NTM: variants seen among roughly 807,000 people sequenced by gnomAD.
NTM encodes neurotrimin, also known as IgLON family member 2.
Under a neutral mutation model 42.1 loss-of-function variants are expected in NTM, and 13 were observed. The ratio of observed to expected loss-of-function variants is 0.31; its 90% CI spans 0.20 to 0.49. The LOEUF (loss-of-function observed/expected upper bound fraction) is 0.49, where lower values mean the gene tolerates loss of function less well. NTM is among the 20% of genes least tolerant of loss of function. The pLI is 0.99. For missense variants in NTM, 373 were observed against 452.8 expected (o/e 0.82, Z 1.60); for synonymous variants, 187 against 179.2 (o/e 1.04, Z -0.35).
At chr11:131,371,972 G>A (rs533056054) in intron 1 of NTM, among the ~76,000 whole-genome samples, 3 of 152,130 alleles carry the variant, frequency 2.0e-5, no homozygotes, top group African/African-American at 4.8e-5. Flanking sequence ...CCTCTGACCC[G>A]GTGAAAAACG....
intron 4 of NTM, among the ~76,000 whole-genome samples, chr11:132,272,009 G>A (rs928913774): frequency 4.6e-5 from 7 of 152,030 alleles, no homozygotes; most frequent in African/African-American, 1.2e-4. Context: ...TCTTCTAAGA[G>A]TTATAGAACT....
At chr11:132,194,163 CAACAACA>C (rs2079785967) in intron 3 of NTM, among the ~76,000 whole-genome samples, 1 of 142,538 alleles carries the variant, frequency 7.0e-6, no homozygotes. Flanking sequence ...ACAACAACAA[CAACAACA>C]AATCTTCAGG....
At chr11:131,691,388 C>T (rs1044739165) in intron 1 of NTM, among the ~76,000 whole-genome samples, 1 of 152,212 alleles carries the variant, frequency 6.6e-6, no homozygotes, top group Non-Finnish European at 1.5e-5. Context: ...GCTCCTTTTC[C>T]GCCCCGTGCG....
At chr11:131,410,266 A>C (rs1946234691) in intron 1 of NTM, among the ~76,000 whole-genome samples, 1 of 152,108 alleles carries the variant, frequency 6.6e-6, no homozygotes, top group African/African-American at 2.4e-5. Context: ...TGAGGCAAGG[A>C]GTTCAAGACC....
intron 1 of NTM, among the ~76,000 whole-genome samples, chr11:131,659,149 A>C (rs79236695): frequency 0.014 from 2,089 of 152,308 alleles, 51 homozygotes; most frequent in African/African-American, 0.048. Flanking sequence ...TCTCATTGGC[A>C]GACCACAGTC....
chr11:131,509,609 C>G (rs1273103243), intron 1 of NTM, among the ~76,000 whole-genome samples: 1 of 152,200 alleles, frequency 6.6e-6, no homozygotes, highest in Non-Finnish European at 1.5e-5. Context: ...GAGGAACTTA[C>G]ACATTTCTTG....
chr11:132,197,860 G>T (rs1471916525), intron 3 of NTM, among the ~76,000 whole-genome samples: 1 of 151,892 alleles, frequency 6.6e-6, no homozygotes, highest in Non-Finnish European at 1.5e-5. Context: ...AGTATTCCAT[G>T]GTGTATATGT....
At chr11:131,381,625 G>A (rs778061854) in intron 1 of NTM, among the ~76,000 whole-genome samples, 3 of 151,902 alleles carry the variant, frequency 2.0e-5, no homozygotes, top group Non-Finnish European at 2.9e-5. Context: ...GCTTTTTCAT[G>A]GACTCCTAGA....
intron 1 of NTM, among the ~76,000 whole-genome samples, chr11:131,458,689 C>T (rs1022181036): frequency 2.6e-5 from 4 of 152,230 alleles, no homozygotes; most frequent in African/African-American, 7.2e-5. Flanking sequence ...CTACAGAAAA[C>T]ATTTGCTGAA....
chr11:131,772,001 C>T (rs2086180899), intron 1 of NTM, among the ~76,000 whole-genome samples: 2 of 152,136 alleles, frequency 1.3e-5, no homozygotes, highest in Non-Finnish European at 2.9e-5. Flanking sequence ...TTATTCCTCC[C>T]AACCTAATCC....
rs1037916033 is a variant in NTM, at chr11:131,806,092, C to T, written c.83-105472C>T. 2.8e-4 allele frequency among the ~76,000 whole-genome samples: 42 copies of T among 152,122 alleles called. 1 individual carries two copies. The highest frequency in any genetic ancestry group is 8.5e-4 in the Admixed American group (13 of 15,258). On this transcript the variant is annotated intron_variant, in intron 1 of 8. Transcript: ENST00000683400. Reference sequence around the variant, plus strand: ...TTGTATCTTTATATAAGCATGAAAACATGAAACAGCATTGACTTGACAACA... The same window carrying T: ...TTGTATCTTTATATAAGCATGAAAATATGAAACAGCATTGACTTGACAACA...
At position 132,059,112 on chromosome 11, in the gene NTM, G is replaced by T. The variant is rs549189528; in HGVS notation, c.168-87170G>T. On this transcript the variant is annotated intron_variant, in intron 2 of 8. Coordinates refer to ENST00000683400, the MANE Select transcript of NTM (RefSeq NM_001352005.2). ...GTGCTTTCTCCCTTCTTCCATTCCT[G>T]CCTTGACCATCCCTTCTTCCTCATA... Among the ~76,000 whole-genome samples the T allele has an allele frequency of 1.2e-4, 19 of 152,306 alleles. No individual in the cohort carries two copies. In the South Asian group the frequency reaches 3.9e-3, roughly 32 times the overall value.
At position 131,611,230 on chromosome 11, in the gene NTM, G is replaced by A. The variant is rs993493158; in HGVS notation, c.82+240342G>A. ...AAATGTGAGTCAGGAAGAGGAGCTGGCTTTAGGAGGATGATGAATGTGGCT... is the reference window on the plus strand; with the variant it reads ...AAATGTGAGTCAGGAAGAGGAGCTGACTTTAGGAGGATGATGAATGTGGCT... On this transcript the variant is annotated intron_variant, in intron 1 of 8. Coordinates refer to ENST00000683400, the MANE Select transcript of NTM (RefSeq NM_001352005.2). Among the ~76,000 whole-genome samples, 43 of 152,302 alleles carry A rather than the reference G, an allele frequency of 2.8e-4. 1 individual carries two copies. The highest frequency in any genetic ancestry group is 1.0e-3 in the African/African-American group (42 of 41,570).
At chr11:132,295,604 A>G (rs1355294210) in intron 4 of NTM, among the ~76,000 whole-genome samples, 2 of 152,232 alleles carry the variant, frequency 1.3e-5, no homozygotes, top group Non-Finnish European at 1.5e-5. Context: ...TGAAGGCTGC[A>G]TAGACATTTG....
At chr11:131,387,320 C>G (rs892828456) in intron 1 of NTM, among the ~76,000 whole-genome samples, 7 of 152,112 alleles carry the variant, frequency 4.6e-5, no homozygotes, top group Non-Finnish European at 1.0e-4. Context: ...CTCTCTCCCT[C>G]TCTCTCTCAC....
At chr11:131,519,444 G>C (rs1480076395) in intron 1 of NTM, among the ~76,000 whole-genome samples, 1 of 148,114 alleles carries the variant, frequency 6.8e-6, no homozygotes, top group African/African-American at 2.5e-5. Flanking sequence ...CTTCATAGGA[G>C]GCTGCATCTT....
intron 4 of NTM, among the ~76,000 whole-genome samples, chr11:132,283,675 C>T (rs2094103380): frequency 6.6e-6 from 1 of 152,138 alleles, no homozygotes; most frequent in African/African-American, 2.4e-5. Flanking sequence ...CAGTTGCTTC[C>T]ACCTCTAGGC....
At chr11:131,513,896 C>T (rs1402517479) in intron 1 of NTM, among the ~76,000 whole-genome samples, 2 of 152,032 alleles carry the variant, frequency 1.3e-5, no homozygotes, top group Non-Finnish European at 1.5e-5. Context: ...AGGGTCAGAG[C>T]CCCAGGGGAA....
At chr11:131,790,827 G>C (rs1457315899) in intron 1 of NTM, among the ~76,000 whole-genome samples, 3 of 152,164 alleles carry the variant, frequency 2.0e-5, no homozygotes, top group African/African-American at 4.8e-5. Context: ...TGTGAGTCAA[G>C]AGGCACAGAT....
Sources: allele counts gnomAD v4.1 joint callset (sites outside exome capture counted in the v4.1 genomes callset), GRCh38; gene constraint gnomAD v4.1.1; transcripts MANE v1.5; gene names NCBI Gene and HGNC (gene_info 2026-07-23, HGNC 2026-07-21).